The following COG3 variants were observed in gnomAD, a reference collection of about 807,000 sequenced individuals.
COG3 encodes component of oligomeric golgi complex 3, also known as conserved oligomeric Golgi complex subunit 3.
COG3 carries 32 observed loss-of-function variants against 114.1 expected under a neutral mutation model. The observed-to-expected ratio is 0.28, with a 90% CI of 0.21 to 0.38. COG3 has a LOEUF of 0.38. Ranked by LOEUF, COG3 falls within the 10% of genes least tolerant of loss-of-function variation. The pLI is 1.00. For synonymous variants in COG3, 352 were observed against 365.7 expected, an observed-to-expected ratio of 0.96 and a Z score of 0.43; for missense variants, 813 against 973.2, an observed-to-expected ratio of 0.84 and a Z score of 2.19.
chr13:45,506,926 G>A (rs1870217192), intron 14 of COG3, among the ~76,000 whole-genome samples: 2 of 152,206 alleles, frequency 1.3e-5, no homozygotes, highest in African/African-American at 2.4e-5. Flanking sequence ...CCTTCAAAAA[G>A]TACAGCTTTG....
At chr13:45,495,087 G>C (rs1002785221) in intron 12 of COG3, among the ~76,000 whole-genome samples, 23 of 150,108 alleles carry the variant, frequency 1.5e-4, no homozygotes, top group African/African-American at 5.6e-4. Context: ...CTCATGATCT[G>C]CCCGCCTCGG....
chr13:45,514,376 G>A (rs779776686), intron 16 of COG3, among the ~76,000 whole-genome samples: 1 of 152,078 alleles, frequency 6.6e-6, no homozygotes, highest in Non-Finnish European at 1.5e-5. Flanking sequence ...GGCCAGGCTG[G>A]TCTTGAATGC....
In COG3 at chr13:45,486,571, T is replaced by G. The variant is rs1886684197; in HGVS notation, c.920T>G (p.Val307Gly). 6.3e-7 allele frequency: 1 copy of G among 1,583,986 alleles called. No homozygotes were observed. Among genetic ancestry groups the G allele is most frequent in the Non-Finnish European group, 8.7e-7 (1 of 1,152,680 alleles). ...YVKFRAAAPKVRTLIEQIELR... is the reference protein window; with the variant it reads ...YVKFRAAAPKGRTLIEQIELR... ...AAATTTCGAGCTGCTGCCCCCAAAGTCAGAGTAAGTCTATTGACATAACTA... is the reference window on the plus strand; with the variant it reads ...AAATTTCGAGCTGCTGCCCCCAAAGGCAGAGTAAGTCTATTGACATAACTA... Residue 307 changes from valine (V) to glycine (G), a missense_variant, in exon 8 of 23, where the codon GTC becomes GGC. Val to Gly is a moderately radical substitution (Grantham distance 109, BLOSUM62 -3). Around this residue, in one of 2 missense-constraint regions of COG3, gnomAD observed 424 missense variants for 430.6 expected, o/e 0.98. Transcript: ENST00000349995.
chr13:45,529,818 C>T lies in COG3; in HGVS notation c.2258C>T (p.Ala753Val). 6.2e-7 allele frequency: 1 copy of T among 1,612,858 alleles called. No homozygotes were observed. Among genetic ancestry groups the T allele is most frequent in the Non-Finnish European group, 8.5e-7 (1 of 1,178,996 alleles). ...PAKVNDLAATAYKTIKTKLPV... is the reference protein window; with the variant it reads ...PAKVNDLAATVYKTIKTKLPV... ...AAGGTCAATGACCTTGCGGCAACTG[C>T]ATATAAGACAATAAAAACAAAGCTG... Residue 753 changes from alanine (A) to valine (V), a missense_variant, in exon 21 of 23, where the codon GCA (alanine) becomes GTA (valine). Transcript: ENST00000349995.
intron 1 of COG3, among the ~76,000 whole-genome samples, chr13:45,470,988 A>G (rs1885439947): frequency 6.6e-6 from 1 of 152,194 alleles, no homozygotes; most frequent in Non-Finnish European, 1.5e-5. Context: ...GATATTTTCA[A>G]CTTCCGAAGG....
At chr13:45,520,337 C>T (rs971921562) in intron 19 of COG3, among the ~76,000 whole-genome samples, 7 of 104,382 alleles carry the variant, frequency 6.7e-5, no homozygotes, top group African/African-American at 1.1e-4. Context: ...AGAAAGAAAA[C>T]GTCTTGAAAT....
At chr13:45,519,434 A>T (rs1871877771) in intron 19 of COG3, among the ~76,000 whole-genome samples, 1 of 152,210 alleles carries the variant, frequency 6.6e-6, no homozygotes, top group African/African-American at 2.4e-5. Context: ...GGCAGCAACC[A>T]CAGTCCTGGG....
chr13:45,500,949 C>T (rs139620673), intron 13 of COG3, among the ~76,000 whole-genome samples: 5 of 152,236 alleles, frequency 3.3e-5, no homozygotes, highest in South Asian at 2.1e-4. Flanking sequence ...TGTTGGAATT[C>T]GTCTGATGTT....
At chr13:45,526,175 T>C (rs996937487) in intron 20 of COG3, among the ~76,000 whole-genome samples, 5 of 123,640 alleles carry the variant, frequency 4.0e-5, no homozygotes, top group Admixed American at 1.1e-4. Context: ...TGCAACCACC[T>C]CCTGGATTTA....
At chr13:45,482,329 T>G (rs1225510973) in intron 5 of COG3, 52 bp from the exon 6 acceptor site, 2 of 961,540 alleles carry the variant, frequency 2.1e-6, no homozygotes, top group African/African-American at 1.7e-5. Context: ...GTTTCCAACT[T>G]TTATCTGTAT....
At chr13:45,472,143 G>A (rs1026732228) in intron 1 of COG3, among the ~76,000 whole-genome samples, 1 of 152,108 alleles carries the variant, frequency 6.6e-6, no homozygotes, top group Non-Finnish European at 1.5e-5. Context: ...TAAAGATGTC[G>A]CTCTATTGTC....
intron 19 of COG3, among the ~76,000 whole-genome samples, chr13:45,521,571 A>G (rs981329442): frequency 1.4e-5 from 2 of 140,552 alleles, no homozygotes; most frequent in Non-Finnish European, 3.0e-5. Context: ...ACAAAGATAC[A>G]TACGTGCACA....
At chr13:45,500,557 GTA>G (rs1869414244) in intron 13 of COG3, among the ~76,000 whole-genome samples, 2 of 152,152 alleles carry the variant, frequency 1.3e-5, no homozygotes, top group Non-Finnish European at 2.9e-5. Flanking sequence ...AGTAGACTTT[GTA>G]TTGTAAGATA....
chr13:45,518,360 A>G (rs1307646930), intron 17 of COG3, among the ~76,000 whole-genome samples: 2 of 152,198 alleles, frequency 1.3e-5, no homozygotes, highest in Non-Finnish European at 2.9e-5. Flanking sequence ...TGGCTGACAC[A>G]TTAGTTTATT....
At position 45,476,218 on chromosome 13, in the gene COG3, G is replaced by T; in HGVS notation, c.192G>T (p.Leu64Phe). 1 of 1,613,690 alleles carries T rather than the reference G, an allele frequency of 6.2e-7. No individual in the cohort carries two copies. Among genetic ancestry groups the T allele is most frequent in the Non-Finnish European group, 8.5e-7 (1 of 1,179,880 alleles). ...PVPAELPIED[L>F]CSLTSQSLPI... ...TTTTCAAGCTTCCAATTGAAGACTT[G>T]TGCAGTTTAACATCCCAGTCACTGC... The change falls in exon 2 of 23, where the codon TTG (leucine) becomes TTT (phenylalanine). Residue 64 changes from leucine to phenylalanine, a missense_variant. By Grantham distance (22) the Leu-to-Phe change is conservative. Coordinates refer to ENST00000349995, the MANE Select transcript of COG3 (RefSeq NM_031431.4).
At chr13:45,503,183 C>T (rs1869733736) in intron 13 of COG3, 61 bp from the exon 14 acceptor site, 1 of 781,794 alleles carries the variant, frequency 1.3e-6, no homozygotes, top group Non-Finnish European at 2.3e-6. Context: ...GTATAAAGAA[C>T]ATGTTCATGT....
At chr13:45,511,092 C>A (rs1348207403) in intron 15 of COG3, among the ~76,000 whole-genome samples, 1 of 151,880 alleles carries the variant, frequency 6.6e-6, no homozygotes, top group Non-Finnish European at 1.5e-5. Context: ...CCATGCCACA[C>A]CTCTGGGAAG....
intron 14 of COG3, among the ~76,000 whole-genome samples, chr13:45,505,203 A>C (rs963411177): frequency 3.9e-5 from 6 of 152,090 alleles, no homozygotes; most frequent in Non-Finnish European, 1.5e-5. Flanking sequence ...ATAAAAAAAA[A>C]AAGGAAAATA....
At chr13:45,497,079 T>C (rs59280954) in intron 13 of COG3, among the ~76,000 whole-genome samples, 3,206 of 152,286 alleles carry the variant, frequency 0.021, 95 homozygotes, top group African/African-American at 0.068. Context: ...GATTTCTCTT[T>C]AGAAATAGAA....
Sources: allele counts gnomAD v4.1 joint callset (sites outside exome capture counted in the v4.1 genomes callset), GRCh38; gene constraint gnomAD v4.1.1; regional missense constraint gnomAD v4.1.1; transcripts MANE v1.5; gene names NCBI Gene and HGNC (gene_info 2026-07-23, HGNC 2026-07-21).